MAP3K13: variants seen among roughly 807,000 people sequenced by gnomAD.
MAP3K13 encodes mitogen-activated protein kinase kinase kinase 13.
In MAP3K13, 52 loss-of-function variants were observed where a neutral mutation model predicts 104.0. The ratio of observed to expected loss-of-function variants is 0.50; its 90% confidence interval spans 0.40 to 0.63. The LOEUF is 0.63. MAP3K13 is among the 20% of genes least tolerant of loss of function. The pLI is 0.00. For synonymous variants in MAP3K13, 394 were observed against 442.2 expected, an observed-to-expected ratio of 0.89 and a Z score of 1.37; for missense variants, 914 against 1,218.5, an observed-to-expected ratio of 0.75 and a Z score of 3.72.
At chr3:185,296,184 C>T (rs200164568) in intron 2 of MAP3K13, among the ~76,000 whole-genome samples, 11 of 152,322 alleles carry the variant, frequency 7.2e-5, no homozygotes, top group Admixed American at 3.9e-4. Context: ...GTCCAGGCTG[C>T]GGTGAGCCAT....
Position 185,482,243 on chromosome 3 carries a change from T to C in MAP3K13, c.2800-112T>C. The stretch of plus-strand genomic sequence containing the variant: ...CCCACAAGGACAGGACCTGGTCTCG[T>C]TTACCTTTGTAGCCCCCTTACCAAG... On this transcript the variant is annotated intron_variant, in intron 13 of 13. Transcript: ENST00000265026. This position sits in a 1 kb window ranked among gnomAD's most constrained non-coding sequence, Gnocchi z 4.5. 1.3e-6 allele frequency: 1 copy of C among 753,044 alleles called. No individual in the cohort carries two copies. The highest frequency in any genetic ancestry group is 2.4e-6 in the Non-Finnish European group (1 of 424,622). 46.6% of individuals were successfully genotyped at this position (753,044 alleles called of 1,614,324 possible).
chr3:185,359,418 C>G (rs146666328), upstream of MAP3K13, among the ~76,000 whole-genome samples: 140 of 152,194 alleles, frequency 9.2e-4, no homozygotes, highest in African/African-American at 3.2e-3. Context: ...CAGATCTGTT[C>G]AAGATTTATT....
chr3:185,332,565 A>C (rs1164679368), intron 2 of MAP3K13, among the ~76,000 whole-genome samples: 1 of 152,158 alleles, frequency 6.6e-6, no homozygotes, highest in Admixed American at 6.5e-5. Context: ...CCTCCTGCTA[A>C]CTCCTAGCAA....
In MAP3K13 at chr3:185,480,388, C is replaced by A. The variant is rs149975635; in HGVS notation, c.2658C>A (p.Asp886Glu). The A allele has an allele frequency of 1.2e-6, 2 of 1,614,182 alleles. No homozygotes were observed. The highest frequency in any genetic ancestry group is 2.2e-5 in the South Asian group (2 of 91,086). ...KLEDRLAEKL[D>E]DLLSQTPEIP... ...AAGACCGCTTGGCAGAGAAGCTAGA[C>A]GACCTGCTGTCCCAGACGCCAGAGA... Residue 886 changes from aspartate to glutamate, a missense_variant, in exon 13 of 14, where the codon GAC becomes GAA. Around this residue, in one of 3 missense-constraint regions of MAP3K13, gnomAD observed 583 missense variants for 737.4 expected, o/e 0.79. Transcript: ENST00000265026.
At chr3:185,347,763 C>CT (rs1722984645) in intron 2 of MAP3K13, among the ~76,000 whole-genome samples, 1 of 152,076 alleles carries the variant, frequency 6.6e-6, no homozygotes, top group Admixed American at 6.6e-5. Context: ...AATCCCCGCA[C>CT]TTTGGGAAGT....
intron 1 of MAP3K13, among the ~76,000 whole-genome samples, chr3:185,388,951 T>C (rs1190789541): frequency 6.6e-6 from 1 of 152,188 alleles, no homozygotes; most frequent in African/African-American, 2.4e-5. Context: ...TATTCGTTCT[T>C]TCAGAGGTAC....
intron 2 of MAP3K13, among the ~76,000 whole-genome samples, chr3:185,348,460 C>G (rs961123382): frequency 2.0e-4 from 30 of 152,312 alleles, no homozygotes; most frequent in African/African-American, 5.3e-4. Context: ...TAATAGTTTT[C>G]TCTAGATCAT....
At chr3:185,464,497 A>G (rs1015961708) in intron 8 of MAP3K13, among the ~76,000 whole-genome samples, 8 of 151,982 alleles carry the variant, frequency 5.3e-5, no homozygotes, top group Non-Finnish European at 1.0e-4. Flanking sequence ...GGTTTTATAA[A>G]CATCTGGCAT....
At chr3:185,393,321 A>G (rs1038187271) in intron 1 of MAP3K13, among the ~76,000 whole-genome samples, 1 of 152,258 alleles carries the variant, frequency 6.6e-6, no homozygotes, top group Admixed American at 6.5e-5. Flanking sequence ...GCTGCAATTA[A>G]TGTATAATTA....
intron 1 of MAP3K13, among the ~76,000 whole-genome samples, chr3:185,373,437 T>C (rs1351367407): frequency 6.6e-6 from 1 of 151,996 alleles, no homozygotes; most frequent in African/African-American, 2.4e-5. Flanking sequence ...AAGTCAGGAG[T>C]TCGAGACTAG....
intron 7 of MAP3K13, among the ~76,000 whole-genome samples, chr3:185,453,756 G>A (rs536244187): frequency 4.7e-4 from 69 of 145,488 alleles, no homozygotes; most frequent in African/African-American, 1.6e-3. Context: ...GGGACAAAGC[G>A]AGACTCCGTC....
chr3:185,345,970 A>C (rs1311269270), intron 2 of MAP3K13, among the ~76,000 whole-genome samples: 1 of 152,112 alleles, frequency 6.6e-6, no homozygotes, highest in Non-Finnish European at 1.5e-5. Flanking sequence ...GAAGGGAAAA[A>C]ATTGTAACAA....
chr3:185,461,597 T>C (rs1379840690), intron 7 of MAP3K13, among the ~76,000 whole-genome samples: 1 of 152,132 alleles, frequency 6.6e-6, no homozygotes, highest in Non-Finnish European at 1.5e-5. Flanking sequence ...AGTTTCGCTC[T>C]TGTTGCCCAG....
intron 1 of MAP3K13, among the ~76,000 whole-genome samples, chr3:185,406,126 G>A (rs1713100812): frequency 6.6e-6 from 1 of 152,168 alleles, no homozygotes; most frequent in Non-Finnish European, 1.5e-5. Context: ...TATCAGAAGA[G>A]TTTAAAAGGA....
chr3:185,413,686 G>A (rs1262822184), intron 1 of MAP3K13, among the ~76,000 whole-genome samples: 1 of 152,098 alleles, frequency 6.6e-6, no homozygotes. Context: ...GCTGGGTGTG[G>A]CAGCACGCAC....
In MAP3K13 at chr3:185,443,714, G is replaced by A. The variant is rs577644672; in HGVS notation, c.851+78G>A. The A allele has an allele frequency of 5.6e-5, 67 of 1,202,244 alleles. No individual in the cohort carries two copies. In the East Asian group the frequency reaches 1.1e-3, roughly 21 times the overall value. 74.5% of individuals were successfully genotyped at this position (1,202,244 alleles called of 1,614,324 possible). On this transcript the variant is annotated intron_variant, in intron 4 of 13. Transcript: ENST00000265026. ...AGAATTTTTATCAACCTCAGTTGAC[G>A]TTTTCAGACATCATACCTTTAGTTC...
Position 185,484,763 on chromosome 3 carries a change from G to A in MAP3K13, c.*2307G>A, listed in dbSNP as rs550281576. 25 of 152,170 alleles carry A rather than the reference G, an allele frequency of 1.6e-4. No homozygotes were observed. Among genetic ancestry groups the A allele is most frequent in the African/African-American group, 6.0e-4 (25 of 41,520 alleles). The allele number at this position is 152,170 out of a possible 1,614,324, so 9.4% of individuals were successfully genotyped here. A position where few individuals can be genotyped will look rare whatever the true frequency, so the allele number is the denominator to read the frequency against. On this transcript the variant is annotated 3_prime_UTR_variant, in exon 14 of 14. Coordinates refer to ENST00000265026, the MANE Select transcript of MAP3K13 (RefSeq NM_004721.5). ...GACTACATGAAAGATCTTAAGTTAT[G>A]GCATTATTATCATTGTTATTTTATT... is the stretch of plus-strand genomic sequence containing the variant.
At chr3:185,393,214 G>A (rs1166846864) in intron 1 of MAP3K13, among the ~76,000 whole-genome samples, 1 of 151,968 alleles carries the variant, frequency 6.6e-6, no homozygotes, top group South Asian at 2.1e-4. Flanking sequence ...CACATAAAAT[G>A]AGTCAAAGAT....
At position 185,418,869 on chromosome 3, in the gene MAP3K13, G is replaced by A; in HGVS notation, c.-85-9628G>A. On this transcript the variant is annotated intron_variant, in intron 1 of 13. Transcript: ENST00000265026. The surrounding 1 kb of genome is among the most constrained non-coding windows in gnomAD (Gnocchi z 4.5). ...GTCTTTTCATCTGTTTTGGGTTTCA[G>A]TTCTCTTAATCATGATCATTCTGCC... 1 of 1,350,082 alleles carries A rather than the reference G, an allele frequency of 7.4e-7. No individual in the cohort carries two copies. The highest frequency in any genetic ancestry group is 1.5e-5 in the South Asian group (1 of 68,842). The allele number at this position is 1,350,082 out of a possible 1,614,324, so 83.6% of individuals were successfully genotyped here.
Sources: allele counts gnomAD v4.1 joint callset (sites outside exome capture counted in the v4.1 genomes callset), GRCh38; gene constraint gnomAD v4.1.1; regional missense constraint gnomAD v4.1.1; non-coding constraint Gnocchi (gnomAD v3.1); transcripts MANE v1.5; gene names NCBI Gene and HGNC (gene_info 2026-07-23, HGNC 2026-07-21).